Variants in AP1S2 observed in about 807,000 individuals in gnomAD.
The protein encoded by AP1S2 is AP-1 complex subunit sigma-2.
A neutral mutation model predicts 14.3 loss-of-function variants in AP1S2; 1 was observed. The observed-to-expected ratio is 0.07, with a 90% confidence interval of 0.02 to 0.33. The LOEUF (loss-of-function observed/expected upper bound fraction) is 0.33. AP1S2 is among the 10% of genes least tolerant of loss of function. The pLI is 0.99. For missense variants in AP1S2, 30 were observed against 117.7 expected, an observed-to-expected ratio of 0.25 and a Z score of 3.45; for synonymous variants, 30 against 40.5, an observed-to-expected ratio of 0.74 and a Z score of 0.99.
At chrX:15,829,429 C>T (rs1244967299) in intron 4 of AP1S2, among the ~76,000 whole-genome samples, 1 of 111,681 alleles carries the variant, frequency 9.0e-6, no homozygotes, top group African/African-American at 3.3e-5. Flanking sequence ...TTTACATTCT[C>T]AGCTTCTCCA....
chrX:15,832,780 A>G (rs1933474071), intron 4 of AP1S2: 1 of 913,494 alleles, frequency 1.1e-6, no homozygotes, highest in Non-Finnish European at 1.4e-6. Context: ...AAAATTCCCT[A>G]TGAAAATACC....
chrX:15,846,128 G>T, intron 2 of AP1S2, 117 bp from the exon 3 acceptor site: 1 of 564,732 alleles, frequency 1.8e-6, no homozygotes, highest in Non-Finnish European at 3.0e-6. Flanking sequence ...CTTCTTTCAC[G>T]ACAGTACAGA....
At chrX:15,828,554 A>C (rs1012302153) in intron 4 of AP1S2, among the ~76,000 whole-genome samples, 3 of 111,762 alleles carry the variant, frequency 2.7e-5, no homozygotes, top group Non-Finnish European at 3.8e-5. Context: ...GCATAGTAAT[A>C]AAAATGGGTA....
intron 5 of AP1S2, 135 bp downstream of exon 5, chrX:15,828,057 T>G: frequency 2.6e-6 from 1 of 387,942 alleles, no homozygotes; most frequent in Non-Finnish European, 4.2e-6. Context: ...TGGCTGATTT[T>G]GCAAATCACA....
chrX:15,826,907 T>A lies in AP1S2; in HGVS notation c.*418A>T, dbSNP rs2147294835. 2 of 110,602 alleles carry A rather than the reference T, an allele frequency of 1.8e-5. No homozygotes were observed. The highest frequency in any genetic ancestry group is 8.2e-4 in the South Asian group (2 of 2,434). 9.1% of individuals were successfully genotyped at this position (110,602 alleles called of 1,213,427 possible). A position where few individuals can be genotyped will look rare whatever the true frequency, so the allele number is the denominator to read the frequency against. ...TTCCCTTTTTTTTTTTTTTTACATATGCTGAAATGCTGCACTAGTCTTTGG... is the reference window on the plus strand; with the variant it reads ...TTCCCTTTTTTTTTTTTTTTACATAAGCTGAAATGCTGCACTAGTCTTTGG... On this transcript the variant is annotated 3_prime_UTR_variant, in exon 6 of 6. Coordinates refer to ENST00000672987, the MANE Select transcript of AP1S2 (RefSeq NM_001272071.2).
intron 4 of AP1S2, chrX:15,840,625 GT>G: frequency 3.6e-6 from 3 of 824,568 alleles, no homozygotes; most frequent in Non-Finnish European, 4.9e-6. Flanking sequence ...AAACTGGTAA[GT>G]GCTTGACTTT....
intron 1 of AP1S2, among the ~76,000 whole-genome samples, chrX:15,853,779 C>T (rs992916247): frequency 8.9e-6 from 1 of 111,906 alleles, no homozygotes; most frequent in African/African-American, 3.3e-5. Context: ...ACTTAAAATG[C>T]GTCAGGGGAA....
rs1040019025 is a variant in AP1S2, at chrX:15,850,349, C to T, written c.179+1997G>A. On this transcript the variant is annotated intron_variant, in intron 2 of 5. Transcript: ENST00000672987. ...CCCCACTCCTCCCTTTCCTTCGCTG[C>T]TCTCTCCGCTTTGTTGTTGTCGTTG... Among the ~76,000 whole-genome samples, 8 of 110,084 alleles carry T rather than the reference C, an allele frequency of 7.3e-5. No homozygotes were observed. The East Asian group carries it at 2.3e-3, about 31-fold the overall frequency.
Position 15,854,682 on chromosome X carries a change from A to C in AP1S2, c.-1+6T>G. ...CCGGCGCCCCCTTTCGCCCCCAGGGACTTACGGCGGCCGCGGGCCGCGGGC... is the reference window on the plus strand; with the variant it reads ...CCGGCGCCCCCTTTCGCCCCCAGGGCCTTACGGCGGCCGCGGGCCGCGGGC... On this transcript the variant is annotated splice_donor_region_variant and intron_variant, in intron 1 of 5. Coordinates refer to ENST00000672987, the MANE Select transcript of AP1S2 (RefSeq NM_001272071.2). 1.5e-6 allele frequency: 1 copy of C among 673,311 alleles called. No homozygotes were observed. Among genetic ancestry groups the C allele is most frequent in the Non-Finnish European group, 1.8e-6 (1 of 562,182 alleles). The allele number at this position is 673,311 out of a possible 1,213,427, so 55.5% of individuals were successfully genotyped here. A position where few individuals can be genotyped will look rare whatever the true frequency, so the allele number is the denominator to read the frequency against.
At chrX:15,852,995 T>A in intron 1 of AP1S2, 2 of 259,488 alleles carry the variant, frequency 7.7e-6, no homozygotes, top group Non-Finnish European at 1.1e-5. Context: ...TTGCAGACAG[T>A]AGCTTATGTC....
intron 4 of AP1S2, chrX:15,830,350 A>T (rs748891157): frequency 1.3e-6 from 1 of 752,061 alleles, no homozygotes; most frequent in South Asian, 6.8e-5. Flanking sequence ...CCTGATTGAT[A>T]GCACATCCAG....
chrX:15,829,313 T>G (rs1933355798), intron 4 of AP1S2, among the ~76,000 whole-genome samples: 1 of 112,087 alleles, frequency 8.9e-6, no homozygotes, highest in Non-Finnish European at 1.9e-5. Context: ...CTCATAAATA[T>G]TCAAGAAAAA....
chrX:15,827,044 T>A lies in AP1S2; in HGVS notation c.*281A>T, dbSNP rs1413914906. 1 of 334,699 alleles carries A rather than the reference T, an allele frequency of 3.0e-6. No homozygotes were observed. Among genetic ancestry groups the A allele is most frequent in the East Asian group, 5.2e-5 (1 of 19,280 alleles). The allele number at this position is 334,699 out of a possible 1,213,427, so 27.6% of individuals were successfully genotyped here. On this transcript the variant is annotated 3_prime_UTR_variant, in exon 6 of 6. Coordinates refer to ENST00000672987, the MANE Select transcript of AP1S2 (RefSeq NM_001272071.2). Reference sequence around the variant, plus strand: ...ATGTATATGATGTGCCATTTTCATATGTGCACATAATCAGATTAAGAGAAA... The same window carrying A: ...ATGTATATGATGTGCCATTTTCATAAGTGCACATAATCAGATTAAGAGAAA...
At chrX:15,833,207 G>C (rs1403630161) in intron 4 of AP1S2, 2 of 752,149 alleles carry the variant, frequency 2.7e-6, no homozygotes, top group African/African-American at 2.3e-5. Context: ...CTCATTAAAA[G>C]AGAAGAGGTG....
intron 4 of AP1S2, chrX:15,830,004 TA>T: frequency 3.1e-6 from 2 of 638,305 alleles, no homozygotes; most frequent in Non-Finnish European, 3.7e-6. Flanking sequence ...AATGAAAATA[TA>T]AAACGTTATT....
intron 5 of AP1S2, 42 bp downstream of exon 5, chrX:15,828,150 T>C (rs991353085): frequency 9.0e-5 from 93 of 1,029,356 alleles, no homozygotes; most frequent in Non-Finnish European, 1.2e-4. Flanking sequence ...ATTTTAATGA[T>C]GGAAAATAAT....
intron 5 of AP1S2, 47 bp downstream of exon 5, chrX:15,828,145 A>C: frequency 3.0e-6 from 3 of 1,005,308 alleles, no homozygotes. Flanking sequence ...ACTATATTTT[A>C]ATGATGGAAA....
intron 4 of AP1S2, chrX:15,833,549 T>C: frequency 1.3e-6 from 1 of 795,612 alleles, no homozygotes; most frequent in Non-Finnish European, 1.5e-6. Flanking sequence ...AATAAATGTA[T>C]TATTTTTACC....
At position 15,828,199 on chromosome X, in the gene AP1S2, T is replaced by G; in HGVS notation, c.428A>C (p.Asp143Ala). Residue 143 changes from aspartate to alanine, a missense_variant and splice_region_variant, in exon 5 of 6, where the codon GAT (aspartate) becomes GCT (alanine). By Grantham distance (126) the Asp-to-Ala change is moderately radical. Transcript: ENST00000672987. ...ATCCAGTAATAAACTTACTTTCGCA[T>G]CCTAATCATGGTACAGCACAAAGCA... ...AIEQADLLQE[D>A]AKEAETPRSV... is the part of the protein sequence containing the mutation. 8.9e-7 allele frequency: 1 copy of G among 1,120,624 alleles called. No individual in the cohort carries two copies. Among genetic ancestry groups the G allele is most frequent in the Non-Finnish European group, 1.2e-6 (1 of 850,715 alleles). The allele number at this position is 1,120,624 out of a possible 1,213,427, so 92.4% of individuals were successfully genotyped here.
Sources: gnomAD v4.1 joint callset for allele counts (sites outside exome capture counted in the v4.1 genomes callset) on GRCh38, gnomAD v4.1.1 for gene constraint, MANE v1.5 for transcripts, NCBI Gene and HGNC (gene_info 2026-07-23, HGNC 2026-07-21) for gene names.